The following COLEC11 variants were observed in gnomAD, a reference collection of about 807,000 sequenced individuals.
The protein encoded by COLEC11 is collectin subfamily member 11.
COLEC11 carries 20 observed loss-of-function variants against 27.3 expected under a neutral mutation model. That is an observed-to-expected ratio of 0.73 (90% CI 0.51 to 1.06). The LOEUF is 1.06. Ranked by LOEUF, COLEC11 falls within the 50% of genes least tolerant of loss-of-function variation. The pLI is 0.00. For missense variants in COLEC11, 310 were observed against 383.0 expected, an observed-to-expected ratio of 0.81 and a Z score of 1.59; for synonymous variants, 163 against 154.7, an observed-to-expected ratio of 1.05 and a Z score of -0.40.
chr2:3,623,672 A>G (rs1418548179), intron 3 of COLEC11, among the ~76,000 whole-genome samples: 2 of 151,728 alleles, frequency 1.3e-5, no homozygotes, highest in South Asian at 2.1e-4. Context: ...AAAAATCTCT[A>G]TCTCTTCATT....
At chr2:3,613,751 T>C (rs1208807467) in intron 3 of COLEC11, among the ~76,000 whole-genome samples, 1 of 152,172 alleles carries the variant, frequency 6.6e-6, no homozygotes, top group Non-Finnish European at 1.5e-5. Context: ...AGGACCCTCA[T>C]CACTTTGCGT....
At chr2:3,621,882 A>G (rs1273136834) in intron 3 of COLEC11, among the ~76,000 whole-genome samples, 2 of 152,286 alleles carry the variant, frequency 1.3e-5, no homozygotes, top group East Asian at 3.9e-4. Context: ...TTGTACATCT[A>G]TTAACAAATC....
At chr2:3,617,461 A>G (rs546159470) in intron 3 of COLEC11, 2 of 1,309,428 alleles carry the variant, frequency 1.5e-6, no homozygotes, top group East Asian at 4.6e-5. Context: ...ATCTCTTTGC[A>G]TCTTACAAAG....
At chr2:3,612,497 C>T (rs1038071561) in intron 2 of COLEC11, among the ~76,000 whole-genome samples, 1 of 145,142 alleles carries the variant, frequency 6.9e-6, no homozygotes, top group East Asian at 1.9e-4. Context: ...AGGGAAAGAC[C>T]GGGGTCCGAT....
intron 3 of COLEC11, among the ~76,000 whole-genome samples, chr2:3,617,137 C>CTT (rs1001058367): frequency 1.8e-4 from 26 of 142,016 alleles, no homozygotes; most frequent in Non-Finnish European, 3.7e-4. Context: ...TTTTTCTTTT[C>CTT]TTTTTTTTTT....
At chr2:3,638,113 G>T (rs971841852) in intron 4 of COLEC11, among the ~76,000 whole-genome samples, 1 of 152,232 alleles carries the variant, frequency 6.6e-6, no homozygotes, top group Non-Finnish European at 1.5e-5. Flanking sequence ...GCACCTGCGG[G>T]TTCTAATTGC....
intron 3 of COLEC11, among the ~76,000 whole-genome samples, chr2:3,636,630 T>G (rs1484564368): frequency 6.6e-6 from 1 of 152,250 alleles, no homozygotes; most frequent in East Asian, 1.9e-4. Flanking sequence ...GTTGCCTGTT[T>G]CTTTTCCCAG....
intron 4 of COLEC11, among the ~76,000 whole-genome samples, chr2:3,638,084 C>T (rs1325812601): frequency 6.6e-6 from 1 of 152,216 alleles, no homozygotes; most frequent in African/African-American, 2.4e-5. Context: ...ACTATGGTGC[C>T]AGCACCTGGG....
chr2:3,626,211 C>G (rs982932849), intron 3 of COLEC11: 1 of 890,982 alleles, frequency 1.1e-6, no homozygotes, highest in African/African-American at 1.6e-5. Flanking sequence ...AGCCCCATTT[C>G]TAGATGGACG....
intron 3 of COLEC11, among the ~76,000 whole-genome samples, chr2:3,623,932 C>A (rs1664347577): frequency 6.6e-6 from 1 of 152,148 alleles, no homozygotes; most frequent in Non-Finnish European, 1.5e-5. Context: ...AAGCAGTCAC[C>A]TCCTCTAGTC....
In COLEC11 at chr2:3,641,998, G is replaced by A. The variant is rs528621211; in HGVS notation, c.329-1446G>A. ...CCCGGCACCACGGAGGCGATGACCA[G>A]GTGTCACTCTTCACAGGAAGAAGGT... On this transcript the variant is annotated intron_variant, in intron 5 of 6. Transcript: ENST00000349077. 2.0e-5 allele frequency among the ~76,000 whole-genome samples: 3 copies of A among 152,342 alleles called. No homozygotes were observed. In the South Asian group the frequency reaches 6.2e-4, roughly 32 times the overall value.
chr2:3,603,709 C>T (rs1314016713), intron 1 of COLEC11: 1 of 1,545,960 alleles, frequency 6.5e-7, no homozygotes, highest in South Asian at 1.2e-5. Flanking sequence ...TCCATGACAC[C>T]CCTCTTCCTA....
At chr2:3,600,019 A>AGGTCAGG (rs1662103793) in intron 1 of COLEC11, among the ~76,000 whole-genome samples, 1 of 151,452 alleles carries the variant, frequency 6.6e-6, no homozygotes, top group Non-Finnish European at 1.5e-5. Context: ...GTGGATCATG[A>AGGTCAGG]GGTCAGGAGA....
chr2:3,637,718 C>A, intron 4 of COLEC11, 114 bp downstream of exon 4: 1 of 871,898 alleles, frequency 1.1e-6, no homozygotes, highest in Non-Finnish European at 1.9e-6. Flanking sequence ...TATTTATATT[C>A]GGTGCATGGT....
intron 5 of COLEC11, chr2:3,641,347 G>A (rs1395283902): frequency 6.9e-6 from 9 of 1,302,542 alleles, no homozygotes; most frequent in East Asian, 1.1e-4. Context: ...CTGACTGGCC[G>A]AGCAGCATCC....
intron 2 of COLEC11, chr2:3,605,946 C>G (rs1450434763): frequency 1.1e-5 from 11 of 999,048 alleles, no homozygotes; most frequent in South Asian, 1.6e-5. Flanking sequence ...GCAGCCCAGA[C>G]AAGCCCAGTG....
Position 3,604,420 on chromosome 2 carries a change from C to G in COLEC11, c.80C>G (p.Pro27Arg). The G allele has an allele frequency of 6.2e-7, 1 of 1,614,216 alleles. No individual in the cohort carries two copies. Among genetic ancestry groups the G allele is most frequent in the East Asian group, 2.2e-5 (1 of 44,876 alleles). Reference protein sequence around the residue: ...LSLLPSGHPQPAGDDACSVQI... With the variant: ...LSLLPSGHPQRAGDDACSVQI... ...CTGCTGCCATCTGGACATCCTCAGC[C>G]GGCTGGCGATGACGCCTGCTCTGTG... Residue 27 changes from proline (P) to arginine (R), a missense_variant, in exon 2 of 7, where the codon CCG (proline) becomes CGG (arginine). By Grantham distance (103) the Pro-to-Arg change is moderately radical. Transcript: ENST00000349077.
intron 1 of COLEC11, among the ~76,000 whole-genome samples, chr2:3,598,881 A>G (rs1043962379): frequency 6.6e-6 from 1 of 152,208 alleles, no homozygotes; most frequent in African/African-American, 2.4e-5. Context: ...AATAAGGTAC[A>G]AGGTTGTTTT....
At chr2:3,604,572 G>C in intron 2 of COLEC11, 102 bp downstream of exon 2, 1 of 1,326,218 alleles carries the variant, frequency 7.5e-7, no homozygotes, top group South Asian at 1.2e-5. Context: ...CAAAGCCCCA[G>C]CAAATCTGCT....
Sources: allele counts gnomAD v4.1 joint callset (sites outside exome capture counted in the v4.1 genomes callset), GRCh38; gene constraint gnomAD v4.1.1; transcripts MANE v1.5; gene names NCBI Gene and HGNC (gene_info 2026-07-23, HGNC 2026-07-21).